BMPR1A: variants seen among roughly 807,000 people sequenced by gnomAD.
BMPR1A encodes bone morphogenetic protein receptor type 1A.
BMPR1A carries 7 observed loss-of-function variants against 66.0 expected under a neutral mutation model. That is an observed-to-expected ratio of 0.11 (90% CI 0.06 to 0.20). The LOEUF (loss-of-function observed/expected upper bound fraction) is 0.20. Among genes scored for constraint, BMPR1A ranks in the 10% least tolerant of loss-of-function variants. The pLI, the probability that BMPR1A is intolerant of heterozygous loss-of-function variation, is 1.00. For missense variants in BMPR1A, 408 were observed against 669.1 expected, an observed-to-expected ratio of 0.61 and a Z score of 4.31; for synonymous variants, 200 against 229.7, an observed-to-expected ratio of 0.87 and a Z score of 1.17.
At chr10:86,831,384 GTT>G (rs1842265588) in intron 1 of BMPR1A, among the ~76,000 whole-genome samples, 1 of 152,118 alleles carries the variant, frequency 6.6e-6, no homozygotes, top group African/African-American at 2.4e-5. Flanking sequence ...ACTATGTAGT[GTT>G]TAATGTGACT....
chr10:86,839,506 T>C (rs1327259643), intron 2 of BMPR1A, among the ~76,000 whole-genome samples: 2 of 151,166 alleles, frequency 1.3e-5, no homozygotes, highest in East Asian at 3.9e-4. Context: ...GGCATGAGAA[T>C]TGCTTGAACC....
intron 1 of BMPR1A, among the ~76,000 whole-genome samples, chr10:86,760,209 T>TTA (rs1554875560): frequency 4.7e-5 from 6 of 128,300 alleles, no homozygotes; most frequent in African/African-American, 1.8e-4. Flanking sequence ...TTTTTTTTTT[T>TTA]AATACCTTAT....
chr10:86,843,910 C>G (rs1435563523), intron 2 of BMPR1A, among the ~76,000 whole-genome samples: 2 of 152,092 alleles, frequency 1.3e-5, no homozygotes, highest in Non-Finnish European at 2.9e-5. Context: ...AGAATTCAAT[C>G]AGGGTGGTGA....
At chr10:86,828,611 C>T (rs1339910502) in intron 1 of BMPR1A, among the ~76,000 whole-genome samples, 1 of 152,084 alleles carries the variant, frequency 6.6e-6, no homozygotes, top group African/African-American at 2.4e-5. Context: ...CTGATTTTAG[C>T]AGATCTGGTG....
rs368793831 is a variant in BMPR1A at position 86,885,258 on chromosome 10, A to G, written c.68-4804A>G. 2.4e-4 allele frequency among the ~76,000 whole-genome samples: 36 copies of G among 152,376 alleles called. 1 individual carries two copies. In the East Asian group the frequency reaches 5.6e-3, roughly 24 times the overall value. On this transcript the variant is annotated intron_variant, in intron 3 of 12. Transcript: ENST00000372037. Reference sequence around the variant, plus strand: ...AAAAATCAAGGGAATATTTAATGACACATGAAAATTATATGGAATTCAAAT... The same window carrying G: ...AAAAATCAAGGGAATATTTAATGACGCATGAAAATTATATGGAATTCAAAT...
chr10:86,781,703 A>G (rs948886595), intron 1 of BMPR1A, among the ~76,000 whole-genome samples: 2 of 152,054 alleles, frequency 1.3e-5, no homozygotes, highest in Non-Finnish European at 1.5e-5. Flanking sequence ...GGCAACCACC[A>G]GTCTACCATT....
intron 9 of BMPR1A, among the ~76,000 whole-genome samples, chr10:86,918,177 C>T (rs1843605566): frequency 6.6e-6 from 1 of 152,182 alleles, no homozygotes; most frequent in South Asian, 2.1e-4. Flanking sequence ...ACATCACCAG[C>T]CATTGAATTC....
chr10:86,810,096 G>A (rs1280733982), intron 1 of BMPR1A, among the ~76,000 whole-genome samples: 4 of 151,924 alleles, frequency 2.6e-5, no homozygotes, highest in African/African-American at 7.2e-5. Context: ...TCAGCTTCCC[G>A]AGTAGCTGAG....
chr10:86,879,503 A>G (rs1443559086), intron 3 of BMPR1A, among the ~76,000 whole-genome samples: 3 of 152,210 alleles, frequency 2.0e-5, no homozygotes, highest in Non-Finnish European at 2.9e-5. Context: ...GTGTGTGTAC[A>G]TGTGCACATG....
intron 3 of BMPR1A, among the ~76,000 whole-genome samples, chr10:86,887,255 A>G (rs983970699): frequency 3.2e-4 from 49 of 152,190 alleles, no homozygotes; most frequent in African/African-American, 1.1e-3. Flanking sequence ...CGTTTCTAGC[A>G]TTTAATACCT....
intron 1 of BMPR1A, among the ~76,000 whole-genome samples, chr10:86,834,478 C>T (rs1187783664): frequency 6.6e-6 from 1 of 152,130 alleles, no homozygotes; most frequent in Non-Finnish European, 1.5e-5. Context: ...CAGAAGAGTG[C>T]TATGATAGAT....
chr10:86,762,739 CT>C lies in BMPR1A; in HGVS notation c.-268+5821del, dbSNP rs1564676099. Among the ~76,000 whole-genome samples, 19 of 152,176 alleles carry C rather than the reference CT, an allele frequency of 1.2e-4. No individual in the cohort carries two copies. The East Asian group carries it at 1.7e-3, about 14-fold the overall frequency. On this transcript the variant is annotated intron_variant, in intron 1 of 12. Coordinates refer to ENST00000372037, the MANE Select transcript of BMPR1A (RefSeq NM_004329.3). ...TATCTAGTTGTAGTTATGTTAAGAT[CT>C]ACAAAAAGGAAGTCCAGGGAATGTT...
intron 2 of BMPR1A, chr10:86,856,139 A>C (rs1159436471): frequency 1.9e-6 from 1 of 523,238 alleles, no homozygotes; most frequent in Non-Finnish European, 3.8e-6. Flanking sequence ...TTTTATATTT[A>C]ATTCCCAGCT....
intron 2 of BMPR1A, among the ~76,000 whole-genome samples, chr10:86,858,480 A>C (rs1340406677): frequency 6.6e-6 from 1 of 152,202 alleles, no homozygotes; most frequent in Non-Finnish European, 1.5e-5. Flanking sequence ...GAAGGAAATA[A>C]AGGGCATCTA....
At chr10:86,895,255 C>T (rs921669116) in intron 5 of BMPR1A, among the ~76,000 whole-genome samples, 4 of 152,114 alleles carry the variant, frequency 2.6e-5, no homozygotes, top group Non-Finnish European at 4.4e-5. Context: ...ATGGGCTGAT[C>T]GTGGTGGCAC....
intron 1 of BMPR1A, among the ~76,000 whole-genome samples, chr10:86,788,636 G>A (rs537130695): frequency 6.6e-6 from 1 of 152,180 alleles, no homozygotes; most frequent in South Asian, 2.1e-4. Flanking sequence ...TGTGGAGTTT[G>A]GCTCTTGTCA....
At chr10:86,788,827 G>A (rs11202182) in intron 1 of BMPR1A, among the ~76,000 whole-genome samples, 1,875 of 152,064 alleles carry the variant, frequency 0.012, 32 homozygotes, top group African/African-American at 0.043. Context: ...GGCTGGTCTC[G>A]AACTCCTGAC....
At chr10:86,757,292 C>T (rs1453980336) in intron 1 of BMPR1A, among the ~76,000 whole-genome samples, 1 of 152,064 alleles carries the variant, frequency 6.6e-6, no homozygotes, top group Non-Finnish European at 1.5e-5. Context: ...GCTCCGGACG[C>T]TGTGGGGAGG....
intron 4 of BMPR1A, 93 bp from the exon 5 acceptor site, chr10:86,892,034 G>A (rs1843156870): frequency 1.1e-5 from 10 of 921,600 alleles, no homozygotes; most frequent in Non-Finnish European, 1.7e-5. Context: ...AGTATTAAAG[G>A]CCATCTGTAC....
Sources: gnomAD v4.1 joint callset for allele counts (sites outside exome capture counted in the v4.1 genomes callset) on GRCh38, gnomAD v4.1.1 for gene constraint, MANE v1.5 for transcripts, NCBI Gene and HGNC (gene_info 2026-07-23, HGNC 2026-07-21) for gene names.